The following GABRA2 variants were observed in gnomAD, a reference collection of about 807,000 sequenced individuals.
GABRA2 encodes the protein gamma-aminobutyric acid receptor subunit alpha-2.
In GABRA2, 16 loss-of-function variants were observed where a neutral mutation model predicts 48.7. The ratio of observed to expected loss-of-function variants is 0.33; its 90% CI spans 0.22 to 0.50. The LOEUF (loss-of-function observed/expected upper bound fraction) is 0.50, where lower values mean the gene tolerates loss of function less well. Among genes scored for constraint, GABRA2 ranks in the 20% least tolerant of loss-of-function variants. The pLI, the probability that GABRA2 is intolerant of heterozygous loss-of-function variation, is 0.98. For missense variants in GABRA2, 275 were observed against 535.6 expected (o/e 0.51, Z 4.80); for synonymous variants, 185 against 184.5 (o/e 1.00, Z -0.02).
intron 4 of GABRA2, among the ~76,000 whole-genome samples, chr4:46,327,114 C>G (rs1730522353): frequency 6.6e-6 from 1 of 152,028 alleles, no homozygotes; most frequent in Middle Eastern, 3.4e-3. Flanking sequence ...TTCCTTTTCC[C>G]TATCCTTTAA....
chr4:46,307,894 G>T (rs1447601556), intron 6 of GABRA2, among the ~76,000 whole-genome samples: 1 of 152,104 alleles, frequency 6.6e-6, no homozygotes, highest in Non-Finnish European at 1.5e-5. Flanking sequence ...CCCGAAGAGG[G>T]CGAGTTATAT....
intron 8 of GABRA2, among the ~76,000 whole-genome samples, chr4:46,265,385 AAT>A (rs201380084): frequency 7.3e-5 from 9 of 123,356 alleles, no homozygotes; most frequent in Admixed American, 3.4e-4. Context: ...GTGTGTACAC[AAT>A]ATATATATAA....
chr4:46,350,891 T>C (rs1268504257), intron 3 of GABRA2, among the ~76,000 whole-genome samples: 3 of 151,678 alleles, frequency 2.0e-5, no homozygotes, highest in Non-Finnish European at 4.4e-5. Flanking sequence ...ATAAAAATAA[T>C]CAAAAGTGCA....
chr4:46,362,532 A>G (rs1713379726), intron 3 of GABRA2, among the ~76,000 whole-genome samples: 1 of 152,230 alleles, frequency 6.6e-6, no homozygotes, highest in Non-Finnish European at 1.5e-5. Flanking sequence ...AAACACAAAA[A>G]CTAAAAATAA....
intron 6 of GABRA2, 40 bp downstream of exon 6, chr4:46,310,133 A>G (rs369128450): frequency 8.1e-6 from 12 of 1,473,018 alleles, no homozygotes; most frequent in East Asian, 2.3e-5. Flanking sequence ...TTTCCCTGAT[A>G]TTATTGACCC....
chr4:46,332,482 C>T, intron 4 of GABRA2, 133 bp downstream of exon 4: 1 of 571,532 alleles, frequency 1.7e-6, no homozygotes, highest in Admixed American at 3.1e-5. Context: ...CTTTAACTAT[C>T]CATGTATTTG....
chr4:46,300,115 C>A (rs1725482190), intron 8 of GABRA2, among the ~76,000 whole-genome samples: 1 of 151,714 alleles, frequency 6.6e-6, no homozygotes, highest in Admixed American at 6.6e-5. Flanking sequence ...TCTTTTTCTT[C>A]CAAATTTATT....
At position 46,389,489 on chromosome 4, in the gene GABRA2, A is replaced by G. The variant is rs544962571; in HGVS notation, c.-11+246T>C. On this transcript the variant is annotated intron_variant, in intron 1 of 9. Transcript: ENST00000381620. ...ATCACAGTGAGCAAAGTTGAAGACT[A>G]TAAAAGAGCCAGGCTAACGTGCTGC... The G allele has an allele frequency of 4.8e-5, 37 of 773,574 alleles. No homozygotes were observed. In the African/African-American group the frequency reaches 5.8e-4, roughly 12 times the overall value. 47.9% of individuals were successfully genotyped at this position (773,574 alleles called of 1,614,324 possible). A position where few individuals can be genotyped will look rare whatever the true frequency, so the allele number is the denominator to read the frequency against.
Position 46,334,302 on chromosome 4 carries a change from T to C in GABRA2, c.188-1620A>G, listed in dbSNP as rs534409296. Among the ~76,000 whole-genome samples, 21 of 152,278 alleles carry C rather than the reference T, an allele frequency of 1.4e-4. No homozygotes were observed. In the South Asian group the frequency reaches 4.4e-3, roughly 32 times the overall value. ...ATTTTGGACTGGGCATCACAAATTA[T>C]GTAGCTGATGCTGAACCTGAATTTA... is the stretch of plus-strand genomic sequence containing the variant. On this transcript the variant is annotated intron_variant, in intron 3 of 9. Coordinates refer to ENST00000381620, the MANE Select transcript of GABRA2 (RefSeq NM_000807.4).
chr4:46,332,739 A>G (rs1431742529), intron 3 of GABRA2, 57 bp from the exon 4 acceptor site: 2 of 1,066,896 alleles, frequency 1.9e-6, no homozygotes, highest in Non-Finnish European at 2.9e-6. Context: ...CACAGGAGAG[A>G]GAAGGGTTTG....
At position 46,330,579 on chromosome 4, in the gene GABRA2, T is replaced by G. The variant is rs866020826; in HGVS notation, c.255+2036A>C. On this transcript the variant is annotated intron_variant, in intron 4 of 9. Transcript: ENST00000381620. The stretch of plus-strand genomic sequence containing the variant: ...GTATATATGCATATATATATATATA[T>G]ATATATATATATAGAGAGAGAGAGA... Among the ~76,000 whole-genome samples, 297 of 113,750 alleles carry G rather than the reference T, an allele frequency of 2.6e-3. 2 individuals carry two copies. The highest frequency in any genetic ancestry group is 0.011 in the South Asian group (44 of 3,872). 74.6% of individuals were successfully genotyped at this position (113,750 alleles called of 152,430 possible).
intron 4 of GABRA2, among the ~76,000 whole-genome samples, chr4:46,317,778 TAAA>T (rs1010921836): frequency 6.6e-6 from 1 of 151,206 alleles, no homozygotes; most frequent in African/African-American, 2.4e-5. Flanking sequence ...AAATAAACTC[TAAA>T]AAAAATTCAA....
intron 7 of GABRA2, 137 bp from the exon 8 acceptor site, chr4:46,303,749 C>T: frequency 1.4e-6 from 1 of 732,878 alleles, no homozygotes. Flanking sequence ...AAATTTATAT[C>T]ACTTTTAAAA....
At chr4:46,325,300 CTTG>C (rs1199178170) in intron 4 of GABRA2, among the ~76,000 whole-genome samples, 1 of 151,780 alleles carries the variant, frequency 6.6e-6, no homozygotes. Flanking sequence ...GAGATGGTAC[CTTG>C]TTGTGGTTTT....
chr4:46,357,727 C>G (rs1736235206), intron 3 of GABRA2, among the ~76,000 whole-genome samples: 1 of 143,172 alleles, frequency 7.0e-6, no homozygotes, highest in Non-Finnish European at 1.5e-5. Context: ...GTGGTGCAAT[C>G]TCAGCTCACT....
At chr4:46,284,688 T>C (rs929326165) in intron 8 of GABRA2, among the ~76,000 whole-genome samples, 2 of 152,114 alleles carry the variant, frequency 1.3e-5, no homozygotes, top group African/African-American at 4.8e-5. Context: ...CTGCCTACTG[T>C]CTTATTTGCT....
intron 3 of GABRA2, among the ~76,000 whole-genome samples, chr4:46,378,309 T>C (rs1035018815): frequency 6.6e-6 from 1 of 152,120 alleles, no homozygotes; most frequent in Admixed American, 6.5e-5. Context: ...TTTTGTTCTG[T>C]ACTAAGAAAA....
At chr4:46,302,163 C>T (rs113807260) in intron 8 of GABRA2, among the ~76,000 whole-genome samples, 2,377 of 151,792 alleles carry the variant, frequency 0.016, 65 homozygotes, top group African/African-American at 0.055. Flanking sequence ...CAATCTCCCA[C>T]GTTCAAGCGA....
At chr4:46,321,543 T>C (rs1729450214) in intron 4 of GABRA2, among the ~76,000 whole-genome samples, 1 of 152,168 alleles carries the variant, frequency 6.6e-6, no homozygotes, top group South Asian at 2.1e-4. Context: ...TAATGATACA[T>C]ATTAAGTAAT....
Sources: gnomAD v4.1 joint callset for allele counts (sites outside exome capture counted in the v4.1 genomes callset) on GRCh38, gnomAD v4.1.1 for gene constraint, MANE v1.5 for transcripts, NCBI Gene and HGNC (gene_info 2026-07-23, HGNC 2026-07-21) for gene names.